RBFOX1: variants seen among roughly 807,000 people sequenced by gnomAD.
RBFOX1 encodes RNA binding protein fox-1 homolog 1.
RBFOX1 carries 8 observed loss-of-function variants against 57.7 expected under a neutral mutation model. The observed-to-expected ratio is 0.14, with a 90% CI of 0.08 to 0.25. RBFOX1 has a LOEUF of 0.25. Among genes scored for constraint, RBFOX1 ranks in the 10% least tolerant of loss-of-function variants. The pLI is 1.00. For missense variants in RBFOX1, 611 were observed against 548.5 expected (o/e 1.11, Z -1.14); for synonymous variants, 326 against 222.4 (o/e 1.47, Z -4.15).
At chr16:5,641,154 T>A (rs553646010) in intron 3 of RBFOX1, among the ~76,000 whole-genome samples, 57 of 146,600 alleles carry the variant, frequency 3.9e-4, no homozygotes, top group African/African-American at 1.4e-3. Context: ...TACACACACA[T>A]GCATGTACAC....
intron 2 of RBFOX1, among the ~76,000 whole-genome samples, chr16:6,406,969 C>G (rs9930982): frequency 0.11 from 16,430 of 152,142 alleles, 1,322 homozygotes; most frequent in African/African-American, 0.22. Flanking sequence ...ATGATCCTTG[C>G]CTAACTTCCT....
chr16:6,556,044 T>C (rs2097093821), intron 2 of RBFOX1, among the ~76,000 whole-genome samples: 1 of 152,206 alleles, frequency 6.6e-6, no homozygotes, highest in South Asian at 2.1e-4. Flanking sequence ...CACTAGGGCA[T>C]TTTGAGACTA....
At chr16:5,952,498 G>T (rs2152277959) in intron 4 of RBFOX1, among the ~76,000 whole-genome samples, 1 of 152,100 alleles carries the variant, frequency 6.6e-6, no homozygotes, top group East Asian at 1.9e-4. Context: ...TGTTGCCCAG[G>T]CTGGTCTCGA....
chr16:6,076,830 T>C (rs1390170558), intron 1 of RBFOX1, among the ~76,000 whole-genome samples: 1 of 152,124 alleles, frequency 6.6e-6, no homozygotes, highest in Non-Finnish European at 1.5e-5. Context: ...AGCAAAACCA[T>C]GAGGCCAAAA....
chr16:5,388,919 C>A (rs371484159), intron 1 of RBFOX1, among the ~76,000 whole-genome samples: 1 of 149,310 alleles, frequency 6.7e-6, no homozygotes, highest in Non-Finnish European at 1.5e-5. Context: ...GGGCCGGGCG[C>A]GGTGGCTCAC....
At chr16:5,560,546 C>T (rs1463618742) in intron 2 of RBFOX1, among the ~76,000 whole-genome samples, 1 of 152,200 alleles carries the variant, frequency 6.6e-6, no homozygotes, top group Admixed American at 6.5e-5. Flanking sequence ...CTGTTTGAAT[C>T]TCCTGTCATC....
At chr16:7,017,093 A>G (rs565822601) in intron 3 of RBFOX1, among the ~76,000 whole-genome samples, 4 of 152,138 alleles carry the variant, frequency 2.6e-5, no homozygotes, top group African/African-American at 7.2e-5. Context: ...CTCATTTTTC[A>G]AAAGACAGAT....
intron 2 of RBFOX1, among the ~76,000 whole-genome samples, chr16:6,523,002 A>G (rs113095272): frequency 0.027 from 4,054 of 152,310 alleles, 136 homozygotes; most frequent in African/African-American, 0.08. Flanking sequence ...GGCATCAAAG[A>G]ACCATTGTCC....
At chr16:5,485,358 A>AAAAAAAAAAAAAAAAAAAG (rs2069694934) in intron 2 of RBFOX1, among the ~76,000 whole-genome samples, 1 of 150,150 alleles carries the variant, frequency 6.7e-6, no homozygotes, top group Non-Finnish European at 1.5e-5. Flanking sequence ...AAAAAAAAAA[A>AAAAAAAAAAAAAAAAAAAG]AAAAAAAAAA....
chr16:6,280,197 G>C (rs1038650742), intron 1 of RBFOX1, among the ~76,000 whole-genome samples: 2 of 152,134 alleles, frequency 1.3e-5, no homozygotes, highest in Non-Finnish European at 2.9e-5. Flanking sequence ...TCTGCAGGGT[G>C]GCATTGTCCA....
chr16:5,828,618 G>C (rs2056158745), intron 3 of RBFOX1, among the ~76,000 whole-genome samples: 1 of 152,234 alleles, frequency 6.6e-6, no homozygotes, highest in African/African-American at 2.4e-5. Context: ...AGGATCGGTT[G>C]AACCCAGGAG....
chr16:6,042,438 G>T (rs373422132), intron 1 of RBFOX1, among the ~76,000 whole-genome samples: 40 of 152,138 alleles, frequency 2.6e-4, no homozygotes, highest in Admixed American at 1.3e-3. Flanking sequence ...GATTATACTG[G>T]ACCTATCCAG....
chr16:5,954,923 C>T (rs1035019016), intron 4 of RBFOX1, among the ~76,000 whole-genome samples: 7 of 151,610 alleles, frequency 4.6e-5, no homozygotes, highest in Non-Finnish European at 1.0e-4. Context: ...TGAACAGCAC[C>T]ATTCAGTTCC....
intron 3 of RBFOX1, among the ~76,000 whole-genome samples, chr16:5,752,707 C>G (rs114412610): frequency 1.3e-5 from 2 of 152,066 alleles, no homozygotes; most frequent in African/African-American, 4.8e-5. Context: ...GAGGTGAGGG[C>G]GTATAAGCAG....
chr16:6,712,815 A>C (rs1261215155), intron 3 of RBFOX1, among the ~76,000 whole-genome samples: 1 of 150,288 alleles, frequency 6.7e-6, no homozygotes, highest in Non-Finnish European at 1.5e-5. Context: ...TTCATCTTGA[A>C]TTGTAGCTCT....
intron 3 of RBFOX1, among the ~76,000 whole-genome samples, chr16:5,862,175 G>A (rs1270214388): frequency 6.6e-6 from 1 of 152,202 alleles, no homozygotes; most frequent in Admixed American, 6.5e-5. Context: ...CTCCTTCAGG[G>A]TTTGGGGATC....
chr16:6,930,557 C>G (rs2076337544), intron 3 of RBFOX1, among the ~76,000 whole-genome samples: 1 of 151,868 alleles, frequency 6.6e-6, no homozygotes, highest in African/African-American at 2.4e-5. Flanking sequence ...TTACAGGTAC[C>G]CCCCACCATG....
chr16:7,345,206 C>T (rs929891621), intron 4 of RBFOX1, among the ~76,000 whole-genome samples: 7 of 152,170 alleles, frequency 4.6e-5, no homozygotes, highest in Admixed American at 6.5e-5. Context: ...CAGTTACTCC[C>T]GGGGCTGTGG....
chr16:5,645,640 C>G (rs73529739), intron 3 of RBFOX1, among the ~76,000 whole-genome samples: 8 of 152,144 alleles, frequency 5.3e-5, no homozygotes, highest in African/African-American at 1.9e-4. Context: ...GGGAAAGATT[C>G]TGTGTGTGCT....
Sources: gnomAD v4.1 joint callset for allele counts (sites outside exome capture counted in the v4.1 genomes callset) on GRCh38, gnomAD v4.1.1 for gene constraint, MANE v1.5 for transcripts, NCBI Gene and HGNC (gene_info 2026-07-23, HGNC 2026-07-21) for gene names.